OSTF1: variants seen among roughly 807,000 people sequenced by gnomAD.
OSTF1 encodes osteoclast-stimulating factor 1.
Under a neutral mutation model 37.2 loss-of-function variants are expected in OSTF1, and 27 were observed. That is an observed-to-expected ratio of 0.73 (90% CI 0.54 to 1.00). The LOEUF (loss-of-function observed/expected upper bound fraction) is 1.00, where lower values mean the gene tolerates loss of function less well. Among genes scored for constraint, OSTF1 ranks in the 50% least tolerant of loss-of-function variants. The pLI is 0.00. For missense variants in OSTF1, 232 were observed against 253.8 expected (o/e 0.91, Z 0.58); for synonymous variants, 82 against 89.2 (o/e 0.92, Z 0.46).
At chr9:75,121,539 G>A (rs1825580725) in intron 2 of OSTF1, among the ~76,000 whole-genome samples, 1 of 152,086 alleles carries the variant, frequency 6.6e-6, no homozygotes, top group African/African-American at 2.4e-5. Flanking sequence ...GTTCAGCTCC[G>A]TTCAATTCAG....
chr9:75,132,129 A>G (rs1825770129), intron 5 of OSTF1, among the ~76,000 whole-genome samples: 1 of 152,210 alleles, frequency 6.6e-6, no homozygotes, highest in Non-Finnish European at 1.5e-5. Context: ...CTGGCAGGGG[A>G]GAGAGAGATG....
Position 75,088,678 on chromosome 9 carries a change from G to T in OSTF1, c.-15G>T. ...TTCGGCGGGGTCTTTAGGATTTGCA[G>T]CTCCAGGAAGCGAGATGTCGAAGCC... On this transcript the variant is annotated 5_prime_UTR_variant, in exon 1 of 10. Coordinates refer to ENST00000346234, the MANE Select transcript of OSTF1 (RefSeq NM_012383.5). 6.2e-7 allele frequency: 1 copy of T among 1,607,124 alleles called. No individual in the cohort carries two copies. Among genetic ancestry groups the T allele is most frequent in the Non-Finnish European group, 8.5e-7 (1 of 1,176,714 alleles).
intron 2 of OSTF1, among the ~76,000 whole-genome samples, chr9:75,124,948 G>A (rs1020006087): frequency 2.0e-4 from 30 of 152,180 alleles, no homozygotes; most frequent in African/African-American, 7.2e-4. Context: ...ACATAACTGA[G>A]TGAGATTAAC....
chr9:75,100,017 T>C (rs1404635908), intron 1 of OSTF1, among the ~76,000 whole-genome samples: 1 of 152,212 alleles, frequency 6.6e-6, no homozygotes, highest in Non-Finnish European at 1.5e-5. Context: ...CCACTAAGTA[T>C]CTTAAAACCA....
intron 1 of OSTF1, among the ~76,000 whole-genome samples, chr9:75,105,353 C>T (rs142142117): frequency 1.9e-4 from 29 of 152,306 alleles, no homozygotes; most frequent in African/African-American, 5.5e-4. Context: ...GTAGGCCACA[C>T]GTTGCTCTTT....
chr9:75,130,377 T>C (rs953848851), intron 3 of OSTF1, among the ~76,000 whole-genome samples: 1 of 152,214 alleles, frequency 6.6e-6, no homozygotes, highest in African/African-American at 2.4e-5. Context: ...ATTCCATTTG[T>C]TGCAGGCAGA....
At chr9:75,092,010 T>A (rs1182412496) in intron 1 of OSTF1, among the ~76,000 whole-genome samples, 2 of 152,092 alleles carry the variant, frequency 1.3e-5, no homozygotes, top group Non-Finnish European at 2.9e-5. Flanking sequence ...AGACAGAACA[T>A]CCTAGCCATG....
chr9:75,109,579 C>T (rs927379488), intron 1 of OSTF1, among the ~76,000 whole-genome samples: 1 of 152,190 alleles, frequency 6.6e-6, no homozygotes, highest in African/African-American at 2.4e-5. Flanking sequence ...GTTTCTCAAT[C>T]TACTAATAGG....
chr9:75,146,596 TA>T, intron 9 of OSTF1, 86 bp from the exon 10 acceptor site: 1 of 883,074 alleles, frequency 1.1e-6, no homozygotes, highest in Non-Finnish European at 1.8e-6. Context: ...GATTCTATTC[TA>T]ATTTAAGAGC....
intron 1 of OSTF1, among the ~76,000 whole-genome samples, chr9:75,113,749 GA>G (rs1825432914): frequency 6.6e-6 from 1 of 152,184 alleles, no homozygotes; most frequent in African/African-American, 2.4e-5. Context: ...ATTGTGGAAT[GA>G]CTAAATCAAG....
At chr9:75,089,158 G>A (rs1824885191) in intron 1 of OSTF1, among the ~76,000 whole-genome samples, 1 of 151,912 alleles carries the variant, frequency 6.6e-6, no homozygotes. Context: ...GAGCGAACGG[G>A]AAGTGCAATC....
intron 4 of OSTF1, 91 bp from the exon 5 acceptor site, chr9:75,131,679 G>A: frequency 1.1e-6 from 1 of 915,912 alleles, no homozygotes; most frequent in Non-Finnish European, 1.8e-6. Flanking sequence ...TGGTACTCCT[G>A]AAGCTGGGGG....
chr9:75,139,058 T>TTTCTTTCTTTCTTTCTTTCTTTCTTTC (rs1587477768), intron 8 of OSTF1, among the ~76,000 whole-genome samples: 2 of 47,252 alleles, frequency 4.2e-5, no homozygotes, highest in East Asian at 7.1e-4. Flanking sequence ...TTCTTTCTTT[T>TTTCTTTCTTTCTTTCTTTCTTTCTTTC]TTTTTTGAAA....
chr9:75,112,745 C>A (rs116336480), intron 1 of OSTF1, among the ~76,000 whole-genome samples: 1 of 152,216 alleles, frequency 6.6e-6, no homozygotes, highest in Admixed American at 6.5e-5. Context: ...TGAATTTCAC[C>A]TAAACCCATT....
intron 1 of OSTF1, among the ~76,000 whole-genome samples, chr9:75,095,542 C>T (rs1825060729): frequency 6.6e-6 from 1 of 152,122 alleles, no homozygotes; most frequent in Non-Finnish European, 1.5e-5. Context: ...TCATTTGATT[C>T]AGGCAGAAAT....
At chr9:75,098,039 G>A (rs1330949961) in intron 1 of OSTF1, among the ~76,000 whole-genome samples, 1 of 151,916 alleles carries the variant, frequency 6.6e-6, no homozygotes, top group African/African-American at 2.4e-5. Flanking sequence ...TGTATTTTTT[G>A]TAGAGACACA....
intron 8 of OSTF1, among the ~76,000 whole-genome samples, chr9:75,139,235 T>C (rs1438625378): frequency 6.6e-6 from 1 of 151,064 alleles, no homozygotes; most frequent in Admixed American, 6.6e-5. Flanking sequence ...AGTTTCGCCA[T>C]GTTACCCAGT....
intron 1 of OSTF1, among the ~76,000 whole-genome samples, chr9:75,116,318 G>T (rs80226770): frequency 0.035 from 5,302 of 151,992 alleles, 292 homozygotes; most frequent in African/African-American, 0.12. Context: ...TTCTAGAACC[G>T]GTGCCCTTGG....
At chr9:75,121,779 A>G (rs1348853759) in intron 2 of OSTF1, among the ~76,000 whole-genome samples, 1 of 152,188 alleles carries the variant, frequency 6.6e-6, no homozygotes, top group Non-Finnish European at 1.5e-5. Flanking sequence ...ACACCACAGC[A>G]TATCCTAAGC....
Sources: gnomAD v4.1 joint callset for allele counts (sites outside exome capture counted in the v4.1 genomes callset) on GRCh38, gnomAD v4.1.1 for gene constraint, MANE v1.5 for transcripts, NCBI Gene and HGNC (gene_info 2026-07-23, HGNC 2026-07-21) for gene names.